OSBPL1A: variants seen among roughly 807,000 people sequenced by gnomAD.
OSBPL1A encodes the protein oxysterol-binding protein-related protein 1.
OSBPL1A carries 80 observed loss-of-function variants against 137.1 expected under a neutral mutation model. The observed-to-expected ratio is 0.58, with a 90% confidence interval of 0.49 to 0.70. OSBPL1A has a LOEUF of 0.70. OSBPL1A is among the 30% of genes least tolerant of loss of function. The pLI is 0.00. For synonymous variants in OSBPL1A, 365 were observed against 389.7 expected (o/e 0.94, Z 0.75); for missense variants, 970 against 1,129.4 (o/e 0.86, Z 2.02).
intron 15 of OSBPL1A, among the ~76,000 whole-genome samples, chr18:24,269,851 A>AACACAC (rs147895357): frequency 0.025 from 3,564 of 140,050 alleles, 54 homozygotes; most frequent in Middle Eastern, 0.056. Context: ...TGACAAGCCT[A>AACACAC]ACACACACAC....
chr18:24,286,998 ATAT>A (rs2090076182), intron 14 of OSBPL1A, among the ~76,000 whole-genome samples: 1 of 152,228 alleles, frequency 6.6e-6, no homozygotes, highest in Admixed American at 6.5e-5. Context: ...GAGGAGAAGG[ATAT>A]TATTATTTGG....
rs550034922 is a variant in OSBPL1A, at chr18:24,256,188, C to T, written c.1282-16806G>A. Reference sequence around the variant, plus strand: ...CACATCACAAAAAGAAAACTACAGGCCAATATTCATTCTCTGATGAATACT... The same window carrying T: ...CACATCACAAAAAGAAAACTACAGGTCAATATTCATTCTCTGATGAATACT... On this transcript the variant is annotated intron_variant, in intron 15 of 27. Transcript: ENST00000319481. Among the ~76,000 whole-genome samples the T allele has an allele frequency of 4.6e-5, 7 of 152,224 alleles. No individual in the cohort carries two copies. The South Asian group carries it at 1.2e-3, about 27-fold the overall frequency.
At chr18:24,233,985 A>G (rs2088363443) in intron 16 of OSBPL1A, among the ~76,000 whole-genome samples, 2 of 152,152 alleles carry the variant, frequency 1.3e-5, no homozygotes, top group Admixed American at 1.3e-4. Context: ...AGGAGGCTAT[A>G]AAAGAGATGT....
At chr18:24,378,060 C>G (rs374532147) in intron 1 of OSBPL1A, among the ~76,000 whole-genome samples, 1 of 152,250 alleles carries the variant, frequency 6.6e-6, no homozygotes, top group Admixed American at 6.5e-5. Context: ...CCTGAAGTGG[C>G]TATATGTAAA....
intron 1 of OSBPL1A, among the ~76,000 whole-genome samples, chr18:24,390,179 C>A (rs1907222919): frequency 6.6e-6 from 1 of 152,116 alleles, no homozygotes. Context: ...AACTGTAAAT[C>A]TTAAAACATC....
chr18:24,365,677 G>A (rs142101908), intron 4 of OSBPL1A, among the ~76,000 whole-genome samples: 109 of 152,162 alleles, frequency 7.2e-4, no homozygotes, highest in African/African-American at 2.1e-3. Context: ...AAGGGGAAGG[G>A]GATGAATATA....
chr18:24,196,917 A>T (rs2087050144), intron 17 of OSBPL1A, among the ~76,000 whole-genome samples: 1 of 152,182 alleles, frequency 6.6e-6, no homozygotes, highest in South Asian at 2.1e-4. Flanking sequence ...TGTGGCTTGG[A>T]TAAGCAGCAC....
intron 12 of OSBPL1A, among the ~76,000 whole-genome samples, chr18:24,313,823 C>G (rs960095611): frequency 6.6e-6 from 1 of 152,168 alleles, no homozygotes; most frequent in African/African-American, 2.4e-5. Flanking sequence ...ACAATCAGGC[C>G]AGGCACAGTG....
intron 15 of OSBPL1A, among the ~76,000 whole-genome samples, chr18:24,251,528 T>C (rs772546993): frequency 8.5e-5 from 13 of 152,220 alleles, no homozygotes; most frequent in Non-Finnish European, 1.3e-4. Flanking sequence ...TCTGCAAATA[T>C]GGAGAAACCA....
intron 7 of OSBPL1A, among the ~76,000 whole-genome samples, chr18:24,329,418 C>T (rs1031738506): frequency 5.3e-5 from 8 of 151,818 alleles, no homozygotes; most frequent in Admixed American, 5.2e-4. Context: ...GGTGTGGTGG[C>T]GCATGCCTGT....
chr18:24,320,809 C>A (rs1238077232), intron 7 of OSBPL1A, among the ~76,000 whole-genome samples: 1 of 151,966 alleles, frequency 6.6e-6, no homozygotes, highest in Admixed American at 6.6e-5. Context: ...GGGCAGATCA[C>A]CTTAGGTCAG....
chr18:24,259,163 T>TC (rs1649445034), intron 15 of OSBPL1A, among the ~76,000 whole-genome samples: 1 of 152,068 alleles, frequency 6.6e-6, no homozygotes, highest in African/African-American at 2.4e-5. Context: ...TGCCTCGGCG[T>TC]CCCAAAGTGC....
At chr18:24,229,112 GA>G (rs1272634381) in intron 16 of OSBPL1A, among the ~76,000 whole-genome samples, 4 of 152,176 alleles carry the variant, frequency 2.6e-5, no homozygotes, top group African/African-American at 9.7e-5. Context: ...GAGGCAGGAA[GA>G]ACTGCTTGAA....
At chr18:24,258,925 C>CTTTTTTT (rs543867145) in intron 15 of OSBPL1A, among the ~76,000 whole-genome samples, 1 of 92,728 alleles carries the variant, frequency 1.1e-5, no homozygotes, top group Non-Finnish European at 2.1e-5. Context: ...AAAATTACAT[C>CTTTTTTT]TTTTTTTTTT....
intron 14 of OSBPL1A, among the ~76,000 whole-genome samples, chr18:24,301,805 C>A (rs1033979630): frequency 6.6e-6 from 1 of 152,152 alleles, no homozygotes; most frequent in Non-Finnish European, 1.5e-5. Context: ...AAAGAGATGC[C>A]ATAGGTACAC....
At chr18:24,178,819 T>C (rs916775699) in intron 20 of OSBPL1A, among the ~76,000 whole-genome samples, 1 of 151,826 alleles carries the variant, frequency 6.6e-6, no homozygotes, top group Non-Finnish European at 1.5e-5. Context: ...CTTTCAAACA[T>C]CTAGGGAATA....
At chr18:24,336,071 C>T (rs1307292775) in intron 5 of OSBPL1A, among the ~76,000 whole-genome samples, 1 of 152,170 alleles carries the variant, frequency 6.6e-6, no homozygotes, top group East Asian at 1.9e-4. Context: ...TCCTATACCT[C>T]TCGTACATAC....
rs927799519 is a variant in OSBPL1A, at chr18:24,268,293, T to A, written c.1281+12549A>T. Among the ~76,000 whole-genome samples, 9 of 152,004 alleles carry A rather than the reference T, an allele frequency of 5.9e-5. No homozygotes were observed. In the South Asian group the frequency reaches 1.9e-3, roughly 32 times the overall value. ...ACCACACCCAGCTAATTTTTTATATTTTTTTTGGGAGAGACAGGGTTTCAC... is the reference window on the plus strand; with the variant it reads ...ACCACACCCAGCTAATTTTTTATATATTTTTTGGGAGAGACAGGGTTTCAC... On this transcript the variant is annotated intron_variant, in intron 15 of 27. Transcript: ENST00000319481.
intron 16 of OSBPL1A, among the ~76,000 whole-genome samples, chr18:24,238,621 G>C (rs1417630820): frequency 6.6e-6 from 1 of 152,154 alleles, no homozygotes; most frequent in African/African-American, 2.4e-5. Context: ...GAAGAGAGAG[G>C]TCATGGAACA....
Sources: allele counts gnomAD v4.1 joint callset (sites outside exome capture counted in the v4.1 genomes callset), GRCh38; gene constraint gnomAD v4.1.1; transcripts MANE v1.5; gene names NCBI Gene and HGNC (gene_info 2026-07-23, HGNC 2026-07-21).